The following ABCB7 variants were observed in gnomAD, a reference collection of about 807,000 sequenced individuals.
ABCB7 encodes the protein iron-sulfur clusters transporter ABCB7, mitochondrial.
A neutral mutation model predicts 54.4 loss-of-function variants in ABCB7; 7 were observed. The observed-to-expected ratio is 0.13, with a 90% CI of 0.07 to 0.24. The LOEUF (loss-of-function observed/expected upper bound fraction) is 0.24. Ranked by LOEUF, ABCB7 falls within the 10% of genes least tolerant of loss-of-function variation. ABCB7 has a pLI of 1.00. For missense variants in ABCB7, 356 were observed against 570.4 expected (o/e 0.62, Z 3.83); for synonymous variants, 218 against 207.1 (o/e 1.05, Z -0.45).
chrX:75,060,718 G>A (rs12010373), intron 14 of ABCB7, among the ~76,000 whole-genome samples: 1,360 of 111,390 alleles, frequency 0.012, 23 homozygotes, highest in African/African-American at 0.043. Flanking sequence ...TTAAGTGACA[G>A]GACACAGAGA....
rs1365260145 is a variant in ABCB7, at chrX:75,075,642, T to A, written c.587-12A>T. ...TCTTGATACACCATCTAACAATACA[T>A]TCAAAAGAAAAAATAGGATGTAACA... On this transcript the variant is annotated splice_polypyrimidine_tract_variant and intron_variant, in intron 5 of 15. Coordinates refer to ENST00000373394, the MANE Select transcript of ABCB7 (RefSeq NM_001271696.3). 8.4e-7 allele frequency: 1 copy of A among 1,196,855 alleles called. No homozygotes were observed. The highest frequency in any genetic ancestry group is 1.1e-6 in the Non-Finnish European group (1 of 884,458).
At chrX:75,122,908 T>C (rs947547054) in intron 1 of ABCB7, among the ~76,000 whole-genome samples, 2 of 96,182 alleles carry the variant, frequency 2.1e-5, no homozygotes, top group Non-Finnish European at 4.0e-5. Context: ...GTTGTGTGAG[T>C]TCCTTCTGTA....
chrX:75,144,378 T>A (rs1331828214), intron 1 of ABCB7, among the ~76,000 whole-genome samples: 2 of 111,848 alleles, frequency 1.8e-5, no homozygotes, highest in Non-Finnish European at 3.8e-5. Flanking sequence ...AGTTACTAAA[T>A]CTTTAATTTA....
At chrX:75,106,206 GC>G (rs1177324084) in intron 3 of ABCB7, among the ~76,000 whole-genome samples, 3 of 110,925 alleles carry the variant, frequency 2.7e-5, no homozygotes, top group Non-Finnish European at 5.7e-5. Context: ...TGCAAACTAT[GC>G]ACCCAATAAA....
At chrX:75,071,711 G>A (rs769292032) in intron 8 of ABCB7, 28 bp from the exon 9 acceptor site, 3 of 1,000,152 alleles carry the variant, frequency 3.0e-6, no homozygotes, top group Non-Finnish European at 4.1e-6. Flanking sequence ...ATAACTATAG[G>A]CAAGTATAAT....
intron 3 of ABCB7, among the ~76,000 whole-genome samples, chrX:75,107,903 C>T (rs987825818): frequency 1.8e-5 from 2 of 110,459 alleles, no homozygotes; most frequent in Admixed American, 1.9e-4. Context: ...CTGGATGGTA[C>T]CGGATTATAG....
chrX:75,146,986 CAT>C (rs2082095955), intron 1 of ABCB7, among the ~76,000 whole-genome samples: 1 of 105,655 alleles, frequency 9.5e-6, no homozygotes, highest in Non-Finnish European at 1.9e-5. Flanking sequence ...GAAAAAAAAA[CAT>C]AAAGTGGACA....
At chrX:75,068,985 G>GT (rs772041861) in intron 12 of ABCB7, 22 bp downstream of exon 12, 7 of 1,205,154 alleles carry the variant, frequency 5.8e-6, no homozygotes, top group South Asian at 3.5e-5. Context: ...CCAAAAATTT[G>GT]TTTTTTTCTG....
At position 75,087,148 on chromosome X, in the gene ABCB7, T is replaced by C. The variant is rs148430491; in HGVS notation, c.454-10494A>G. ...AGGGCTGCTGCTACTACTCTGTCTATGGAGCAACCATTTTCCTGTACTCTG... is the reference window on the plus strand; with the variant it reads ...AGGGCTGCTGCTACTACTCTGTCTACGGAGCAACCATTTTCCTGTACTCTG... On this transcript the variant is annotated intron_variant, in intron 4 of 15. Coordinates refer to ENST00000373394, the MANE Select transcript of ABCB7 (RefSeq NM_001271696.3). Among the ~76,000 whole-genome samples, 3 of 112,036 alleles carry C rather than the reference T, an allele frequency of 2.7e-5. No homozygotes were observed. In the East Asian group the frequency reaches 8.5e-4, roughly 32 times the overall value.
At chrX:75,099,618 A>T (rs192891133) in intron 3 of ABCB7, among the ~76,000 whole-genome samples, 5 of 110,944 alleles carry the variant, frequency 4.5e-5, no homozygotes, top group African/African-American at 1.6e-4. Context: ...ACTTAATCTG[A>T]TCTAAATCCA....
intron 1 of ABCB7, among the ~76,000 whole-genome samples, chrX:75,135,149 G>A (rs774549424): frequency 1.6e-4 from 17 of 107,222 alleles, no homozygotes; most frequent in Non-Finnish European, 2.3e-4. Context: ...CATTACTGTC[G>A]ACCCCGCAGA....
intron 12 of ABCB7, among the ~76,000 whole-genome samples, chrX:75,065,577 G>C (rs2081312155): frequency 9.0e-6 from 1 of 111,693 alleles, no homozygotes; most frequent in African/African-American, 3.3e-5. Context: ...GTCAATAACA[G>C]AAAACTAACT....
chrX:75,073,527 A>G (rs1031829330), intron 8 of ABCB7, among the ~76,000 whole-genome samples, 162 bp downstream of exon 8: 3 of 112,237 alleles, frequency 2.7e-5, no homozygotes, highest in Admixed American at 9.5e-5. Flanking sequence ...AGAAGGAAAG[A>G]GGATAGTTTC....
In ABCB7 at chrX:75,051,734, TAG is replaced by T. The variant is rs2081197385; in HGVS notation, c.*1634_*1635del. The T allele has an allele frequency of 8.9e-6, 1 of 112,424 alleles. No individual in the cohort carries two copies. The highest frequency in any genetic ancestry group is 1.9e-5 in the Non-Finnish European group (1 of 53,273). The allele number at this position is 112,424 out of a possible 1,213,427, so 9.3% of individuals were successfully genotyped here. On this transcript the variant is annotated 3_prime_UTR_variant, in exon 16 of 16. Coordinates refer to ENST00000373394, the MANE Select transcript of ABCB7 (RefSeq NM_001271696.3). ...TAAATTCTGAAGTGTCAACACAGAT[TAG>T]AGTCTTGATCATCTAAAGAGTATAA...
intron 15 of ABCB7, among the ~76,000 whole-genome samples, chrX:75,059,212 A>G (rs938966024): frequency 2.7e-5 from 3 of 111,026 alleles, no homozygotes; most frequent in African/African-American, 9.8e-5. Context: ...GTGATGGTTC[A>G]CGCCTGTAAT....
At chrX:75,147,546 A>G (rs1233531724) in intron 1 of ABCB7, among the ~76,000 whole-genome samples, 1 of 111,618 alleles carries the variant, frequency 9.0e-6, no homozygotes, top group Non-Finnish European at 1.9e-5. Context: ...GGAGGCCATT[A>G]TCCTTAGCAA....
chrX:75,053,574 G>A lies in ABCB7; in HGVS notation c.2055C>T (p.Ala685=), dbSNP rs936800740. Residue 685 remains alanine (A), a synonymous_variant, in exon 16 of 16, where the codon GCC becomes GCT. Coordinates refer to ENST00000373394, the MANE Select transcript of ABCB7 (RefSeq NM_001271696.3). The part of the protein sequence containing the change: ...EIIVLDQGKV[A]ERGTHHGLLA... The stretch of plus-strand genomic sequence containing the variant: ...GCAAACCATGGTGGGTACCACGTTC[G>A]GCTACCTTACCCTAAAAAGTAAACA... 3 of 1,183,011 alleles carry A rather than the reference G, an allele frequency of 2.5e-6. No individual in the cohort carries two copies. The highest frequency in any genetic ancestry group is 3.1e-5 in the East Asian group (1 of 32,594).
intron 1 of ABCB7, among the ~76,000 whole-genome samples, chrX:75,126,664 C>A (rs1224405203): frequency 1.8e-5 from 2 of 109,955 alleles, no homozygotes; most frequent in African/African-American, 6.6e-5. Context: ...TGACTAGCCA[C>A]ACTAATAAAG....
At chrX:75,124,407 T>C (rs1043428463) in intron 1 of ABCB7, among the ~76,000 whole-genome samples, 1 of 112,146 alleles carries the variant, frequency 8.9e-6, no homozygotes, top group Non-Finnish European at 1.9e-5. Context: ...AGTTTCATTG[T>C]TCCCATTCAA....
Sources: gnomAD v4.1 joint callset for allele counts (sites outside exome capture counted in the v4.1 genomes callset) on GRCh38, gnomAD v4.1.1 for gene constraint, MANE v1.5 for transcripts, NCBI Gene and HGNC (gene_info 2026-07-23, HGNC 2026-07-21) for gene names.